The following EVI5 variants were observed in gnomAD, a reference collection of about 807,000 sequenced individuals.
EVI5 encodes ecotropic viral integration site 5, also known as ecotropic viral integration site 5 protein homolog.
EVI5 carries 73 observed loss-of-function variants against 112.0 expected under a neutral mutation model. The observed-to-expected ratio is 0.65, with a 90% CI of 0.54 to 0.79. The LOEUF (loss-of-function observed/expected upper bound fraction) is 0.79, where lower values mean the gene tolerates loss of function less well. Ranked by LOEUF, EVI5 falls within the 30% of genes least tolerant of loss-of-function variation. The pLI, the probability that EVI5 is intolerant of heterozygous loss-of-function variation, is 0.00. For missense variants in EVI5, 900 were observed against 968.8 expected, an observed-to-expected ratio of 0.93 and a Z score of 0.94; for synonymous variants, 305 against 319.9, an observed-to-expected ratio of 0.95 and a Z score of 0.50.
At chr1:92,713,073 C>A (rs779567232) in intron 2 of EVI5, among the ~76,000 whole-genome samples, 2 of 151,898 alleles carry the variant, frequency 1.3e-5, no homozygotes, top group Non-Finnish European at 2.9e-5. Context: ...GAGGAGTGAG[C>A]CACCAGGCCC....
At chr1:92,720,743 A>T (rs1674601639) in intron 2 of EVI5, among the ~76,000 whole-genome samples, 1 of 152,220 alleles carries the variant, frequency 6.6e-6, no homozygotes, top group Admixed American at 6.5e-5. Flanking sequence ...CAGGCAACCT[A>T]CAGAATGGGA....
intron 5 of EVI5, among the ~76,000 whole-genome samples, chr1:92,701,489 C>T (rs1671139348): frequency 6.6e-6 from 1 of 152,166 alleles, no homozygotes; most frequent in Non-Finnish European, 1.5e-5. Flanking sequence ...TCCATGATTC[C>T]TTTTCAGGAC....
chr1:92,759,638 TAA>T (rs1212776891), intron 1 of EVI5, among the ~76,000 whole-genome samples: 1 of 152,332 alleles, frequency 6.6e-6, no homozygotes, highest in African/African-American at 2.4e-5. Flanking sequence ...CATCCCTGGG[TAA>T]ACTCTAATCT....
rs1479918346 is a variant in EVI5, at chr1:92,512,592, T to C, written c.*1064A>G. 2.0e-5 allele frequency: 3 copies of C among 152,214 alleles called. No individual in the cohort carries two copies. In the East Asian group the frequency reaches 5.8e-4, roughly 29 times the overall value. The allele number at this position is 152,214 out of a possible 1,614,324, so 9.4% of individuals were successfully genotyped here. On this transcript the variant is annotated 3_prime_UTR_variant, in exon 20 of 20. Transcript: ENST00000684568. The stretch of plus-strand genomic sequence containing the variant: ...ATATAAAATGATGTTCAATGTTAGG[T>C]GGTACAGATTTATAAATATGTACAA...
intron 2 of EVI5, among the ~76,000 whole-genome samples, chr1:92,708,454 G>A (rs1672340040): frequency 6.6e-6 from 1 of 152,106 alleles, no homozygotes; most frequent in African/African-American, 2.4e-5. Flanking sequence ...TTACAATCGA[G>A]ATGACAAATA....
In EVI5 at chr1:92,512,364, T is replaced by C. The variant is rs1283639046; in HGVS notation, c.*1292A>G. The C allele has an allele frequency of 2.6e-5, 4 of 152,454 alleles. No individual in the cohort carries two copies. The highest frequency in any genetic ancestry group is 9.6e-5 in the African/African-American group (4 of 41,474). The allele number at this position is 152,454 out of a possible 1,614,324, so 9.4% of individuals were successfully genotyped here. On this transcript the variant is annotated 3_prime_UTR_variant, in exon 20 of 20. Coordinates refer to ENST00000684568, the MANE Select transcript of EVI5 (RefSeq NM_001350197.2). Reference sequence around the variant, plus strand: ...ATAACCTCTTCAGTCATGAAAAATTTAGTAGTTACATACACATGAAATAAA... The same window carrying C: ...ATAACCTCTTCAGTCATGAAAAATTCAGTAGTTACATACACATGAAATAAA...
At chr1:92,687,672 A>G (rs912383892) in intron 9 of EVI5, among the ~76,000 whole-genome samples, 1 of 152,214 alleles carries the variant, frequency 6.6e-6, no homozygotes, top group African/African-American at 2.4e-5. Context: ...AGCATCTACA[A>G]AGAACTTAAA....
In EVI5 at chr1:92,785,088, C is replaced by A. The variant is rs1351346267; in HGVS notation, c.-334G>T. The A allele has an allele frequency of 1.0e-6, 1 of 985,428 alleles. No homozygotes were observed. The highest frequency in any genetic ancestry group is 1.2e-6 in the Non-Finnish European group (1 of 830,058). 61.0% of individuals were successfully genotyped at this position (985,428 alleles called of 1,614,324 possible). ...CCAGCTGGTTCCTCCGGGGTCCGGC[C>A]CGGCCGCGTCAGGAGAGCCCAAGGC... On this transcript the variant is annotated 5_prime_UTR_variant, in exon 1 of 20. Transcript: ENST00000684568.
At chr1:92,760,632 G>A (rs549374569) in intron 1 of EVI5, among the ~76,000 whole-genome samples, 4 of 151,706 alleles carry the variant, frequency 2.6e-5, no homozygotes, top group South Asian at 2.1e-4. Flanking sequence ...TTCTTGAGAC[G>A]CTAAGGCAGG....
At chr1:92,635,626 G>A (rs955782293) in intron 14 of EVI5, among the ~76,000 whole-genome samples, 17 of 151,544 alleles carry the variant, frequency 1.1e-4, no homozygotes, top group Middle Eastern at 3.4e-3. Flanking sequence ...CTTGCGCTTC[G>A]CGGCTCAGGC....
Position 92,677,177 on chromosome 1 carries a change from T to C in EVI5, c.1139A>G (p.Glu380Gly), listed in dbSNP as rs1218627619. Residue 380 changes from glutamate to glycine, a missense_variant, in exon 10 of 20, where the codon GAA (glutamate) becomes GGA (glycine). Transcript: ENST00000684568. ...GCTTACTTTAATTTCAACTTGCTCT[T>C]CCATTTCTTTCGTTTTTATTGTAGT... ...EYTTIKTKEM[E>G]EQVEIKRLRT... 6.3e-7 allele frequency: 1 copy of C among 1,592,524 alleles called. No individual in the cohort carries two copies. Among genetic ancestry groups the C allele is most frequent in the Non-Finnish European group, 8.6e-7 (1 of 1,165,394 alleles).
intron 1 of EVI5, among the ~76,000 whole-genome samples, chr1:92,759,864 C>G (rs916098387): frequency 3.5e-5 from 5 of 142,578 alleles, no homozygotes; most frequent in Non-Finnish European, 6.2e-5. Context: ...TACCCTCCCC[C>G]CCACATACAT....
chr1:92,751,318 A>G (rs1680166191), intron 1 of EVI5, among the ~76,000 whole-genome samples: 1 of 152,142 alleles, frequency 6.6e-6, no homozygotes, highest in Non-Finnish European at 1.5e-5. Context: ...TAAATGTCTA[A>G]TTGTTTAGCT....
At chr1:92,516,321 C>A (rs1304621265) in intron 19 of EVI5, among the ~76,000 whole-genome samples, 1 of 152,150 alleles carries the variant, frequency 6.6e-6, no homozygotes, top group Non-Finnish European at 1.5e-5. Context: ...TTTGCTCTAA[C>A]AAAATTTATT....
At chr1:92,683,404 T>C (rs968121329) in intron 9 of EVI5, among the ~76,000 whole-genome samples, 6 of 152,024 alleles carry the variant, frequency 3.9e-5, no homozygotes, top group Admixed American at 6.6e-5. Flanking sequence ...ACCCCATCCA[T>C]AGGTCACCAA....
chr1:92,646,137 T>G (rs1383856064), intron 13 of EVI5, among the ~76,000 whole-genome samples: 1 of 152,224 alleles, frequency 6.6e-6, no homozygotes, highest in Non-Finnish European at 1.5e-5. Flanking sequence ...AGCTTTATAT[T>G]ATCATTTATT....
chr1:92,792,410 CAGAG>C (rs751255751), upstream of EVI5: 12 of 1,602,238 alleles, frequency 7.5e-6, no homozygotes, highest in East Asian at 2.0e-4. Context: ...GCAGAGAAGA[CAGAG>C]AGACTGGGGA....
At chr1:92,739,691 C>T (rs1678053146) in intron 1 of EVI5, among the ~76,000 whole-genome samples, 1 of 151,970 alleles carries the variant, frequency 6.6e-6, no homozygotes, top group Admixed American at 6.6e-5. Flanking sequence ...GATTATATCA[C>T]TTTATATTTT....
chr1:92,609,488 G>T (rs941639685), intron 16 of EVI5, among the ~76,000 whole-genome samples: 1 of 152,026 alleles, frequency 6.6e-6, no homozygotes, highest in South Asian at 2.1e-4. Flanking sequence ...CTCCCAAGTA[G>T]CTGGGATTAC....
Sources: allele counts gnomAD v4.1 joint callset (sites outside exome capture counted in the v4.1 genomes callset), GRCh38; gene constraint gnomAD v4.1.1; transcripts MANE v1.5; gene names NCBI Gene and HGNC (gene_info 2026-07-23, HGNC 2026-07-21).